Variants in PTPRN2 observed in about 807,000 individuals in gnomAD.
The protein encoded by PTPRN2 is receptor-type tyrosine-protein phosphatase N2.
A neutral mutation model predicts 118.8 loss-of-function variants in PTPRN2; 74 were observed. The observed-to-expected ratio is 0.62, with a 90% CI of 0.52 to 0.76. PTPRN2 has a LOEUF of 0.76. Ranked by LOEUF, PTPRN2 falls within the 30% of genes least tolerant of loss-of-function variation. The pLI, the probability that PTPRN2 is intolerant of heterozygous loss-of-function variation, is 0.00. For synonymous variants in PTPRN2, 641 were observed against 608.0 expected (o/e 1.05, Z -0.80); for missense variants, 1,481 against 1,394.4 (o/e 1.06, Z -0.99).
rs1368499907 is a variant in PTPRN2, at chr7:157,808,739, A to G, written c.1788+89934T>C. 6.6e-6 allele frequency among the ~76,000 whole-genome samples: 1 copy of G among 152,150 alleles called. No individual in the cohort carries two copies. The highest frequency in any genetic ancestry group is 1.5e-5 in the Non-Finnish European group (1 of 68,024). On this transcript the variant is annotated intron_variant, in intron 12 of 22. Transcript: ENST00000389418. The surrounding 1 kb of genome is among the most constrained non-coding windows in gnomAD (Gnocchi z 5.0). ...TCCCCCAACCTTGGTCCATGGAAAA[A>G]CCGTCTTCCATGGAACAGGTCCCTG...
At chr7:158,274,680 T>C (rs551216246) in intron 3 of PTPRN2, among the ~76,000 whole-genome samples, 1 of 152,268 alleles carries the variant, frequency 6.6e-6, no homozygotes, top group South Asian at 2.1e-4. Context: ...TGGGACGACA[T>C]TACTGCATCT....
intron 11 of PTPRN2, among the ~76,000 whole-genome samples, chr7:157,966,243 G>T (rs1801911766): frequency 6.6e-6 from 1 of 152,122 alleles, no homozygotes; most frequent in Non-Finnish European, 1.5e-5. Flanking sequence ...TCCTGTGAAA[G>T]AAAAGGCTTC....
intron 11 of PTPRN2, among the ~76,000 whole-genome samples, chr7:158,073,939 G>T (rs575315267): frequency 2.0e-5 from 3 of 152,146 alleles, no homozygotes; most frequent in Non-Finnish European, 4.4e-5. Flanking sequence ...ACCAGCAGAC[G>T]CGGCTCCCCT....
chr7:157,840,946 C>T (rs536393078), intron 12 of PTPRN2, among the ~76,000 whole-genome samples: 1 of 152,364 alleles, frequency 6.6e-6, no homozygotes, highest in East Asian at 1.9e-4. Flanking sequence ...CACCACCTCA[C>T]CGCCTGCCTG....
rs376191607 is a variant in PTPRN2 at position 158,515,819 on chromosome 7, G to T, written c.113-26034C>A. On this transcript the variant is annotated intron_variant, in intron 1 of 22. Transcript: ENST00000389418. Reference sequence around the variant, plus strand: ...AATTTTCACTATCGACACCTCCCACGCTTCATCCTCTGTCTGGTCGTCTCT... The same window carrying T: ...AATTTTCACTATCGACACCTCCCACTCTTCATCCTCTGTCTGGTCGTCTCT... Among the ~76,000 whole-genome samples the T allele has an allele frequency of 6.6e-4, 100 of 152,144 alleles. 1 individual carries two copies. The South Asian group carries it at 0.02, about 31-fold the overall frequency.
chr7:158,514,179 G>A (rs1768605485), intron 1 of PTPRN2, among the ~76,000 whole-genome samples: 2 of 152,172 alleles, frequency 1.3e-5, no homozygotes, highest in South Asian at 4.1e-4. Context: ...TTTCTCTTCT[G>A]TCTGCTGAGG....
chr7:158,533,579 T>C (rs1347123902), intron 1 of PTPRN2, among the ~76,000 whole-genome samples: 1 of 152,116 alleles, frequency 6.6e-6, no homozygotes, highest in African/African-American at 2.4e-5. Context: ...GGAGTCCCTA[T>C]CCCAGGGGCC....
chr7:158,251,462 T>C (rs4909151), intron 3 of PTPRN2, among the ~76,000 whole-genome samples: 5,193 of 151,474 alleles, frequency 0.034, 109 homozygotes, highest in East Asian at 0.11. Flanking sequence ...TGTGTGCAGG[T>C]GTGCAATGGA....
intron 11 of PTPRN2, among the ~76,000 whole-genome samples, chr7:158,076,912 G>A (rs920975151): frequency 2.6e-5 from 4 of 152,234 alleles, no homozygotes; most frequent in Admixed American, 6.5e-5. Flanking sequence ...ATGCATTGCC[G>A]AAGACAGAAT....
At chr7:158,172,914 T>C (rs577452980) in intron 5 of PTPRN2, among the ~76,000 whole-genome samples, 1 of 131,394 alleles carries the variant, frequency 7.6e-6, no homozygotes, top group African/African-American at 3.3e-5. Context: ...CCACCATCAA[T>C]AGCAGCATCC....
intron 2 of PTPRN2, among the ~76,000 whole-genome samples, chr7:158,455,206 C>A (rs112213951): frequency 6.6e-6 from 1 of 150,378 alleles, no homozygotes; most frequent in African/African-American, 2.5e-5. Context: ...ACGGCACGGA[C>A]GCCATCGGCC....
chr7:158,067,940 G>A (rs886313391), intron 11 of PTPRN2, among the ~76,000 whole-genome samples: 2 of 152,190 alleles, frequency 1.3e-5, no homozygotes, highest in South Asian at 2.1e-4. Flanking sequence ...CGGCAGGGTC[G>A]GGGCAGACAG....
rs569009603 is a variant in PTPRN2, at chr7:158,070,415, G to A, written c.1723+10883C>T. 6.2e-3 allele frequency among the ~76,000 whole-genome samples: 827 copies of A among 132,694 alleles called. 3 individuals are homozygous for A. Among genetic ancestry groups the A allele is most frequent in the African/African-American group, 0.025 (757 of 30,494 alleles). 87.1% of individuals were successfully genotyped at this position (132,694 alleles called of 152,430 possible). On this transcript the variant is annotated intron_variant, in intron 11 of 22. Coordinates refer to ENST00000389418, the MANE Select transcript of PTPRN2 (RefSeq NM_002847.5). ...GGTGCTCGTGGTGGTGGACGTGCTC[G>A]TGGTGGTGGTGCTCGTGGTGGTGGA...
chr7:157,815,346 C>T (rs772540069), intron 12 of PTPRN2, among the ~76,000 whole-genome samples: 1 of 152,260 alleles, frequency 6.6e-6, no homozygotes, highest in Non-Finnish European at 1.5e-5. Flanking sequence ...GTCCTTTGCC[C>T]TCCAGGGTGC....
chr7:158,404,505 G>A (rs944595609), intron 2 of PTPRN2, among the ~76,000 whole-genome samples: 10 of 152,260 alleles, frequency 6.6e-5, no homozygotes, highest in African/African-American at 2.2e-4. Context: ...GTGAGGACGG[G>A]GGCTCCCCAG....
intron 3 of PTPRN2, among the ~76,000 whole-genome samples, chr7:158,255,120 C>T (rs571193480): frequency 3.3e-5 from 5 of 152,270 alleles, no homozygotes; most frequent in South Asian, 2.1e-4. Context: ...AAAGCTCCCT[C>T]GCAGAAGCCC....
rs1229625079 is a variant in PTPRN2 at position 157,671,564 on chromosome 7, C to T, written c.2001+11161G>A. ...GGAGGGAGCCGGGCAAACAAAGGCT[C>T]AGAAGCAGAGGAGCCCAGCCCAGGG... is the stretch of plus-strand genomic sequence containing the variant. On this transcript the variant is annotated intron_variant, in intron 13 of 22. Coordinates refer to ENST00000389418, the MANE Select transcript of PTPRN2 (RefSeq NM_002847.5). The surrounding 1 kb of genome is among the most constrained non-coding windows in gnomAD (Gnocchi z 4.1). Among the ~76,000 whole-genome samples, 1 of 152,062 alleles carries T rather than the reference C, an allele frequency of 6.6e-6. No individual in the cohort carries two copies. The highest frequency in any genetic ancestry group is 1.9e-4 in the East Asian group (1 of 5,172).
chr7:157,714,093 CTA>C (rs1403079028), intron 12 of PTPRN2, among the ~76,000 whole-genome samples: 1 of 152,230 alleles, frequency 6.6e-6, no homozygotes, highest in East Asian at 1.9e-4. Context: ...TTCTTGCTGA[CTA>C]TATGACGATG....
At chr7:158,522,043 CAGG>C in intron 1 of PTPRN2, among the ~76,000 whole-genome samples, 1 of 66,072 alleles carries the variant, frequency 1.5e-5, no homozygotes, top group Non-Finnish European at 2.9e-5. Flanking sequence ...GGTAGTGGCT[CAGG>C]GGGGAGGTCC....
Sources: allele counts gnomAD v4.1 joint callset (sites outside exome capture counted in the v4.1 genomes callset), GRCh38; gene constraint gnomAD v4.1.1; non-coding constraint Gnocchi (gnomAD v3.1); transcripts MANE v1.5; gene names NCBI Gene and HGNC (gene_info 2026-07-23, HGNC 2026-07-21).